The following BCAM variants were observed in gnomAD, a reference collection of about 807,000 sequenced individuals.
BCAM encodes the protein basal cell adhesion molecule (Lutheran blood group).
A neutral mutation model predicts 72.4 loss-of-function variants in BCAM; 61 were observed. The observed-to-expected ratio is 0.84, with a 90% confidence interval of 0.69 to 1.04. The LOEUF is 1.04. Ranked by LOEUF, BCAM falls within the 50% of genes least tolerant of loss-of-function variation. BCAM has a pLI of 0.00. For synonymous variants in BCAM, 408 were observed against 384.2 expected, an observed-to-expected ratio of 1.06 and a Z score of -0.73; for missense variants, 909 against 895.0, an observed-to-expected ratio of 1.02 and a Z score of -0.20.
rs767609765 is a variant in BCAM, at chr19:44,813,493, C to G, written c.657C>G (p.Thr219=). ...VREASGLLSL[T]STLYLRLRKD... is the part of the protein sequence containing the mutation. The stretch of plus-strand genomic sequence containing the variant: ...AGGCCTCGGGCCTGCTCTCCCTCAC[C>G]AGCACCCTCTACCTGCGGCTCCGCA... The change falls in exon 6 of 15, where the codon ACC becomes ACG. Residue 219 remains threonine (T), a synonymous_variant. Transcript: ENST00000270233. This position sits in a 1 kb window ranked among gnomAD's most constrained non-coding sequence, Gnocchi z 4.2. The G allele has an allele frequency of 6.2e-7, 1 of 1,612,654 alleles. No homozygotes were observed. Among genetic ancestry groups the G allele is most frequent in the South Asian group, 1.1e-5 (1 of 91,082 alleles).
chr19:44,811,324 A>G lies in BCAM; in HGVS notation c.182A>G (p.His61Arg). The G allele has an allele frequency of 1.2e-6, 2 of 1,613,110 alleles. No homozygotes were observed. Among genetic ancestry groups the G allele is most frequent in the South Asian group, 1.1e-5 (1 of 91,060 alleles). ...TGCACCCCTACGGGAACCCACGACC[A>G]TTATATGCTGGAATGGTTCCTTGTG... ...LDCTPTGTHDHYMLEWFLTDR... is the reference protein window; with the variant it reads ...LDCTPTGTHDRYMLEWFLTDR... Residue 61 changes from histidine to arginine, a missense_variant, in exon 2 of 15, where the codon CAT becomes CGT. Transcript: ENST00000270233.
rs147815605 is a variant in BCAM, at chr19:44,820,294, C to T, written c.1764-411C>T. On this transcript the variant is annotated intron_variant, in intron 13 of 14. Coordinates refer to ENST00000270233, the MANE Select transcript of BCAM (RefSeq NM_005581.5). ...CCATTTCCCAACCCTAGTCCTCCACCGTCCCGAAGCCAACTTCACCCATGT... is the reference window on the plus strand; with the variant it reads ...CCATTTCCCAACCCTAGTCCTCCACTGTCCCGAAGCCAACTTCACCCATGT... The T allele has an allele frequency of 3.1e-5, 32 of 1,019,512 alleles. No homozygotes were observed. The East Asian group carries it at 1.4e-3, about 44-fold the overall frequency. 63.2% of individuals were successfully genotyped at this position (1,019,512 alleles called of 1,614,324 possible). A position where few individuals can be genotyped will look rare whatever the true frequency, so the allele number is the denominator to read the frequency against.
rs144124876 is a variant in BCAM, at chr19:44,812,316, G to A, written c.358G>A (p.Glu120Lys). The A allele has an allele frequency of 1.2e-4, 199 of 1,612,486 alleles. No individual in the cohort carries two copies. The highest frequency in any genetic ancestry group is 1.5e-4 in the Non-Finnish European group (176 of 1,178,926). The part of the protein sequence containing the change: ...LVLAEAQVGD[E>K]RDYVCVVRAG... ...GCTGGCTGAGGCCCAGGTGGGCGACGAGCGAGACTACGTGTGCGTGGTGAG... is the reference window on the plus strand; with the variant it reads ...GCTGGCTGAGGCCCAGGTGGGCGACAAGCGAGACTACGTGTGCGTGGTGAG... The change falls in exon 3 of 15, where the codon GAG becomes AAG. Residue 120 changes from glutamate (E) to lysine (K), a missense_variant. Transcript: ENST00000270233. This position sits in a 1 kb window ranked among gnomAD's most constrained non-coding sequence, Gnocchi z 5.3.
chr19:44,809,101 T>G (rs1346243851), upstream of BCAM: 2 of 1,408,916 alleles, frequency 1.4e-6, no homozygotes, highest in African/African-American at 3.0e-5. Context: ...CAGCCCGGGC[T>G]CAGTCTCCGC....
chr19:44,814,793 G>C lies in BCAM; in HGVS notation c.1078+33G>C, dbSNP rs1968481875. On this transcript the variant is annotated intron_variant, in intron 8 of 14. Transcript: ENST00000270233. The surrounding 1 kb of genome is among the most constrained non-coding windows in gnomAD (Gnocchi z 4.6). Reference sequence around the variant, plus strand: ...CCCTGGGTGAACGGGCGGGCAGGAGGGGCCCTGGCATCAGTGCCTCTGCGC... The same window carrying C: ...CCCTGGGTGAACGGGCGGGCAGGAGCGGCCCTGGCATCAGTGCCTCTGCGC... The C allele has an allele frequency of 6.3e-7, 1 of 1,585,994 alleles. No individual in the cohort carries two copies. The highest frequency in any genetic ancestry group is 8.6e-7 in the Non-Finnish European group (1 of 1,166,230).
intron 2 of BCAM, chr19:44,811,853 C>T (rs1968425112): frequency 2.2e-6 from 1 of 446,946 alleles, no homozygotes; most frequent in East Asian, 4.5e-5. Flanking sequence ...CCAATGCTCT[C>T]CAGCCAGGCG....
Position 44,813,393 on chromosome 19 carries a change from G to A in BCAM, c.602-45G>A, listed in dbSNP as rs1262113012. On this transcript the variant is annotated intron_variant, in intron 5 of 14. Coordinates refer to ENST00000270233, the MANE Select transcript of BCAM (RefSeq NM_005581.5). This position sits in a 1 kb window ranked among gnomAD's most constrained non-coding sequence, Gnocchi z 4.2. ...CGGGACGTGGGCTGGGGTGGGTGGCGGGGCTATGGCCTGGCTGACTGCCAC... is the reference window on the plus strand; with the variant it reads ...CGGGACGTGGGCTGGGGTGGGTGGCAGGGCTATGGCCTGGCTGACTGCCAC... 8 of 1,608,996 alleles carry A rather than the reference G, an allele frequency of 5.0e-6. No individual in the cohort carries two copies. Among genetic ancestry groups the A allele is most frequent in the Non-Finnish European group, 5.9e-6 (7 of 1,177,424 alleles).
chr19:44,816,007 G>A (rs1047008214), intron 8 of BCAM, among the ~76,000 whole-genome samples: 4 of 150,836 alleles, frequency 2.7e-5, no homozygotes, highest in African/African-American at 9.8e-5. Flanking sequence ...GAAAGACCCC[G>A]TCTCAGGAAA....
chr19:44,814,706 T>G lies in BCAM; in HGVS notation c.1024T>G (p.Tyr342Asp). Residue 342 changes from tyrosine (Y) to aspartate (D), a missense_variant, in exon 8 of 15, where the codon TAC becomes GAC. By Grantham distance (160) the Tyr-to-Asp change is radical. Transcript: ENST00000270233. The surrounding 1 kb of genome is among the most constrained non-coding windows in gnomAD (Gnocchi z 4.6). The part of the protein sequence containing the change: ...SGTYGCRVED[Y>D]DAADDVQLSK... ...GACCTATGGCTGCAGAGTGGAGGAT[T>G]ACGACGCGGCAGATGACGTGCAGCT... is the stretch of plus-strand genomic sequence containing the variant. 6.2e-7 allele frequency: 1 copy of G among 1,613,826 alleles called. No individual in the cohort carries two copies. Among genetic ancestry groups the G allele is most frequent in the Non-Finnish European group, 8.5e-7 (1 of 1,179,990 alleles).
At position 44,813,321 on chromosome 19, in the gene BCAM, G is replaced by A. The variant is rs991877079; in HGVS notation, c.576G>A (p.Leu192=). 1.2e-6 allele frequency: 2 copies of A among 1,614,038 alleles called. No individual in the cohort carries two copies. The highest frequency in any genetic ancestry group is 3.3e-5 in the Admixed American group (2 of 60,018). Residue 192 remains leucine (L), a synonymous_variant, in exon 5 of 15, where the codon CTG becomes CTA. Coordinates refer to ENST00000270233, the MANE Select transcript of BCAM (RefSeq NM_005581.5). The surrounding 1 kb of genome is among the most constrained non-coding windows in gnomAD (Gnocchi z 4.2). ...KITWYRNGQR[L]EVPVEMNPEG... ...CGTGGTATCGCAACGGGCAGCGCCT[G>A]GAGGTGCCCGTAGAGATGAACCCAG...
At position 44,809,157 on chromosome 19, in the gene BCAM, C is replaced by A; in HGVS notation, c.33C>A (p.Arg11=). The change falls in exon 1 of 15, where the codon CGC becomes CGA. Residue 11 remains arginine (R), a synonymous_variant. Transcript: ENST00000270233. MEPPDAPAQA[R]GAPRLLLLAV... is the part of the protein sequence containing the mutation. The stretch of plus-strand genomic sequence containing the variant: ...CCCCGGACGCACCGGCCCAGGCGCG[C>A]GGGGCCCCGCGGCTGCTGTTGCTCG... The A allele has an allele frequency of 6.8e-7, 1 of 1,473,034 alleles. No individual in the cohort carries two copies. The highest frequency in any genetic ancestry group is 9.0e-7 in the Non-Finnish European group (1 of 1,115,520). The allele number at this position is 1,473,034 out of a possible 1,614,324, so 91.2% of individuals were successfully genotyped here.
chr19:44,814,194 C>G lies in BCAM; in HGVS notation c.827C>G (p.Thr276Ser), dbSNP rs755151018. Residue 276 changes from threonine to serine, a missense_variant, in exon 7 of 15, where the codon ACC becomes AGC. Transcript: ENST00000270233. The surrounding 1 kb of genome is among the most constrained non-coding windows in gnomAD (Gnocchi z 4.6). The stretch of plus-strand genomic sequence containing the variant: ...CAGTTCTGGGTGGGCAGCCCGTCCA[C>G]CCCAGCAGGCTGGGTACGCGAGGGT... ...HVQFWVGSPS[T>S]PAGWVREGDT... The G allele has an allele frequency of 5.1e-6, 8 of 1,583,280 alleles. No individual in the cohort carries two copies. Among genetic ancestry groups the G allele is most frequent in the East Asian group, 4.5e-5 (2 of 44,134 alleles).
rs560266052 is a variant in BCAM, at chr19:44,818,856, C to A, written c.1310C>A (p.Thr437Asn). 79 of 1,614,076 alleles carry A rather than the reference C, an allele frequency of 4.9e-5. 3 individuals are homozygous for A. In the South Asian group the frequency reaches 8.6e-4, roughly 17 times the overall value. ...CCCACAGTCCCGGTCCTCAGCCGCA[C>A]CCAGAACTTCACGCTGCTGGTCCAA... is the stretch of plus-strand genomic sequence containing the variant. ...SLPTVPVLSRTQNFTLLVQGS... is the reference protein window; with the variant it reads ...SLPTVPVLSRNQNFTLLVQGS... Residue 437 changes from threonine to asparagine, a missense_variant, in exon 10 of 15, where the codon ACC (threonine) becomes AAC (asparagine). Thr to Asn is a moderately conservative substitution (Grantham distance 65). Coordinates refer to ENST00000270233, the MANE Select transcript of BCAM (RefSeq NM_005581.5). This position sits in a 1 kb window ranked among gnomAD's most constrained non-coding sequence, Gnocchi z 4.6.
Position 44,819,184 on chromosome 19 carries a change from G to A in BCAM, c.1465G>A (p.Gly489Arg), listed in dbSNP as rs1968544277. ...PDPKLSWSQL[G>R]GSPAEPIPGR... ...CCCCAAACTCAGCTGGAGCCAATTG[G>A]GGGGCAGCGTAAGGGACCTTCCTCT... is the stretch of plus-strand genomic sequence containing the variant. Residue 489 changes from glycine to arginine, a missense_variant, in exon 11 of 15, where the codon GGG becomes AGG. By Grantham distance (125) the Gly-to-Arg change is moderately radical. Transcript: ENST00000270233. 6.2e-7 allele frequency: 1 copy of A among 1,613,964 alleles called. No homozygotes were observed. Among genetic ancestry groups the A allele is most frequent in the Admixed American group, 1.7e-5 (1 of 59,988 alleles).
At position 44,809,177 on chromosome 19, in the gene BCAM, TGCTC is replaced by T; in HGVS notation, c.56_59del (p.Leu19GlnfsTer24). Reference sequence around the variant, plus strand: ...GCGCGCGGGGCCCCGCGGCTGCTGTTGCTCGCAGTCCTGCTGGCGGCGCACCCAG... The same window carrying T: ...GCGCGCGGGGCCCCGCGGCTGCTGTTGCAGTCCTGCTGGCGGCGCACCCAG... On this transcript the variant is annotated frameshift_variant, in exon 1 of 15. Coordinates refer to ENST00000270233, the MANE Select transcript of BCAM (RefSeq NM_005581.5). LOFTEE classifies it high-confidence loss of function. 2 of 1,477,120 alleles carry T rather than the reference TGCTC, an allele frequency of 1.4e-6. No individual in the cohort carries two copies. Among genetic ancestry groups the T allele is most frequent in the African/African-American group, 1.5e-5 (1 of 68,596 alleles). 91.5% of individuals were successfully genotyped at this position (1,477,120 alleles called of 1,614,324 possible).
rs143753295 is a variant in BCAM, at chr19:44,814,714, G to A, written c.1032G>A (p.Ala344=). 3.3e-5 allele frequency: 54 copies of A among 1,613,802 alleles called. No homozygotes were observed. The South Asian group carries it at 3.7e-4, about 11-fold the overall frequency. ...GCTGCAGAGTGGAGGATTACGACGC[G>A]GCAGATGACGTGCAGCTCTCCAAGA... The part of the protein sequence containing the change: ...TYGCRVEDYD[A]ADDVQLSKTL... Residue 344 remains alanine (A), a synonymous_variant, in exon 8 of 15, where the codon GCG becomes GCA. Coordinates refer to ENST00000270233, the MANE Select transcript of BCAM (RefSeq NM_005581.5). This position sits in a 1 kb window ranked among gnomAD's most constrained non-coding sequence, Gnocchi z 4.6.
Position 44,814,826 on chromosome 19 carries a change from C to G in BCAM, c.1078+66C>G. 1 of 1,507,654 alleles carries G rather than the reference C, an allele frequency of 6.6e-7. No individual in the cohort carries two copies. The highest frequency in any genetic ancestry group is 8.9e-7 in the Non-Finnish European group (1 of 1,125,246). The allele number at this position is 1,507,654 out of a possible 1,614,324, so 93.4% of individuals were successfully genotyped here. On this transcript the variant is annotated intron_variant, in intron 8 of 14. Coordinates refer to ENST00000270233, the MANE Select transcript of BCAM (RefSeq NM_005581.5). The surrounding 1 kb of genome is among the most constrained non-coding windows in gnomAD (Gnocchi z 4.6). ...GCATCAGTGCCTCTGCGCCCTCCTCCCTACAGCCCTGAAGTTGCTCTGTCA... is the reference window on the plus strand; with the variant it reads ...GCATCAGTGCCTCTGCGCCCTCCTCGCTACAGCCCTGAAGTTGCTCTGTCA...
In BCAM at chr19:44,817,867, G is replaced by A. The variant is rs74253323; in HGVS notation, c.1079-655G>A. On this transcript the variant is annotated intron_variant, in intron 8 of 14. Transcript: ENST00000270233. Reference sequence around the variant, plus strand: ...CCTGACCAGTGGATGTTTTAAAGAGGTCCCTCTAGCTGCTCAGTGGAGGAT... The same window carrying A: ...CCTGACCAGTGGATGTTTTAAAGAGATCCCTCTAGCTGCTCAGTGGAGGAT... Among the ~76,000 whole-genome samples, 60 of 152,282 alleles carry A rather than the reference G, an allele frequency of 3.9e-4. 1 individual carries two copies. In the East Asian group the frequency reaches 0.011, roughly 28 times the overall value.
chr19:44,815,965 T>C (rs1198278102), intron 8 of BCAM, among the ~76,000 whole-genome samples: 1 of 152,052 alleles, frequency 6.6e-6, no homozygotes, highest in Non-Finnish European at 1.5e-5. Flanking sequence ...TGAGCCAAGA[T>C]TGTGCCACTG....
Sources: allele counts gnomAD v4.1 joint callset (sites outside exome capture counted in the v4.1 genomes callset), GRCh38; gene constraint gnomAD v4.1.1; non-coding constraint Gnocchi (gnomAD v3.1); transcripts MANE v1.5; gene names NCBI Gene and HGNC (gene_info 2026-07-23, HGNC 2026-07-21).